The following ADCK5 variants were observed in gnomAD, a reference collection of about 807,000 sequenced individuals.
ADCK5 encodes aarF domain containing kinase 5.
ADCK5 carries 43 observed loss-of-function variants against 64.9 expected under a neutral mutation model. The observed-to-expected ratio is 0.66, with a 90% confidence interval of 0.52 to 0.85. The LOEUF is 0.85. Among genes scored for constraint, ADCK5 ranks in the 40% least tolerant of loss-of-function variants. The probability of loss-of-function intolerance (pLI) is 0.00; values close to 1 mark genes in which losing one functional copy is unlikely to be tolerated. For synonymous variants in ADCK5, 434 were observed against 342.8 expected (o/e 1.27, Z -2.94); for missense variants, 760 against 810.5 (o/e 0.94, Z 0.76).
At position 144,391,347 on chromosome 8, in the gene ADCK5, C is replaced by T. The variant is rs1211039120; in HGVS notation, c.685-14C>T. 7 of 1,612,922 alleles carry T rather than the reference C, an allele frequency of 4.3e-6. No homozygotes were observed. Among genetic ancestry groups the T allele is most frequent in the Non-Finnish European group, 5.9e-6 (7 of 1,179,948 alleles). The stretch of plus-strand genomic sequence containing the variant: ...TGGGGCCCCAAGTTCTCACCACACC[C>T]TCGCCCAGTGCAGGTGCAGTACATC... On this transcript the variant is annotated splice_polypyrimidine_tract_variant and intron_variant, in intron 6 of 14. Transcript: ENST00000308860.
At position 144,383,545 on chromosome 8, in the gene ADCK5, C is replaced by T. The variant is rs1324261778; in HGVS notation, c.266+315C>T. On this transcript the variant is annotated intron_variant, in intron 3 of 14. Transcript: ENST00000308860. ...TGGGGAGGCGCTCCAGCCCTGGGCC[C>T]GTGCCTTCTCCCTCAGGCTTCTAGG... 4.6e-5 allele frequency among the ~76,000 whole-genome samples: 7 copies of T among 152,292 alleles called. No homozygotes were observed. The East Asian group carries it at 5.8e-4, about 13-fold the overall frequency.
Position 144,392,139 on chromosome 8 carries a change from G to A in ADCK5, c.1144G>A (p.Asp382Asn). ...PDGKAELVLL[D>N]HGLYQFLEEK... The stretch of plus-strand genomic sequence containing the variant: ...CGGGAAAGCGGAGCTGGTGCTGCTG[G>A]ACCACGGGCTCTACCAGTTCCTGGA... Residue 382 changes from aspartate (D) to asparagine (N), a missense_variant, in exon 11 of 15, where the codon GAC becomes AAC. Physicochemically the swap from Asp to Asn is conservative, Grantham distance 23. Coordinates refer to ENST00000308860, the MANE Select transcript of ADCK5 (RefSeq NM_174922.5). 2.1e-6 allele frequency: 3 copies of A among 1,430,140 alleles called. No homozygotes were observed. The allele number at this position is 1,430,140 out of a possible 1,614,324, so 88.6% of individuals were successfully genotyped here.
chr8:144,390,015 G>A (rs1220212064), intron 3 of ADCK5, among the ~76,000 whole-genome samples: 2 of 151,542 alleles, frequency 1.3e-5, no homozygotes, highest in African/African-American at 4.9e-5. Flanking sequence ...ATTTTAAGTA[G>A]AAATGGGGTT....
chr8:144,374,944 A>G (rs1819306766), intron 1 of ADCK5, among the ~76,000 whole-genome samples: 2 of 152,178 alleles, frequency 1.3e-5, no homozygotes, highest in Non-Finnish European at 2.9e-5. Flanking sequence ...CTTCCAGAAG[A>G]GATGAAGGGG....
chr8:144,392,426 T>TCCCTCCCTCCCC lies in ADCK5; in HGVS notation c.1268-8_1268-7insCCCCTCCCTCCC. On this transcript the variant is annotated intron_variant, in intron 12 of 14. Transcript: ENST00000308860. The stretch of plus-strand genomic sequence containing the variant: ...ACCCACTCAGAGCCCCCTCCCTCCC[T>TCCCTCCCTCCCC]CCCTCCCTCCCTCCCCAGACTACCT... The TCCCTCCCTCCCC allele has an allele frequency of 6.6e-6, 3 of 454,742 alleles. No individual in the cohort carries two copies. The highest frequency in any genetic ancestry group is 9.9e-6 in the Non-Finnish European group (3 of 302,488). The allele number at this position is 454,742 out of a possible 1,614,324, so 28.2% of individuals were successfully genotyped here. A position where few individuals can be genotyped will look rare whatever the true frequency, so the allele number is the denominator to read the frequency against.
rs1466957411 is a variant in ADCK5 at position 144,382,902 on chromosome 8, G to A, written c.117-179G>A. 4.6e-5 allele frequency among the ~76,000 whole-genome samples: 7 copies of A among 152,350 alleles called. No individual in the cohort carries two copies. In the East Asian group the frequency reaches 1.4e-3, roughly 29 times the overall value. ...TCTGGTGCCGGGCTTTGGTGCAGGGGCATCTGGTGCAGGGGCTCAGGGAAG... is the reference window on the plus strand; with the variant it reads ...TCTGGTGCCGGGCTTTGGTGCAGGGACATCTGGTGCAGGGGCTCAGGGAAG... On this transcript the variant is annotated intron_variant, in intron 2 of 14. Coordinates refer to ENST00000308860, the MANE Select transcript of ADCK5 (RefSeq NM_174922.5).
chr8:144,391,112 C>T lies in ADCK5; in HGVS notation c.544-22C>T, dbSNP rs1401431541. ...GGCCTCCAGCAGTGGCCCCAGGCTG[C>T]TCTGAGCACCTGTCCTTCCAGGTGG... On this transcript the variant is annotated intron_variant, in intron 5 of 14. Transcript: ENST00000308860. 3 of 1,610,330 alleles carry T rather than the reference C, an allele frequency of 1.9e-6. No homozygotes were observed. In the African/African-American group the frequency reaches 4.0e-5, roughly 21 times the overall value.
chr8:144,383,015 G>A, intron 2 of ADCK5, 66 bp from the exon 3 acceptor site: 1 of 1,549,296 alleles, frequency 6.5e-7, no homozygotes, highest in Non-Finnish European at 8.7e-7. Context: ...GGGGAGGTGG[G>A]GGCAGAGATC....
rs1200101747 is a variant in ADCK5 at position 144,376,219 on chromosome 8, C to G, written c.12+2112C>G. 6.6e-6 allele frequency among the ~76,000 whole-genome samples: 1 copy of G among 152,092 alleles called. No homozygotes were observed. The highest frequency in any genetic ancestry group is 1.5e-5 in the Non-Finnish European group (1 of 68,030). The stretch of plus-strand genomic sequence containing the variant: ...AGGGCCATGTGGGGTTCAATTGAGT[C>G]CTGTGCTTCACAGCTGTTGGTCTCA... On this transcript the variant is annotated intron_variant, in intron 1 of 14. Coordinates refer to ENST00000308860, the MANE Select transcript of ADCK5 (RefSeq NM_174922.5). This position sits in a 1 kb window ranked among gnomAD's most constrained non-coding sequence, Gnocchi z 5.1.
upstream of ADCK5, chr8:144,373,982 C>CG: frequency 3.4e-6 from 4 of 1,162,544 alleles, no homozygotes; most frequent in South Asian, 8.9e-5. Context: ...CCACCGCCCA[C>CG]GGGGCGGGGC....
Position 144,391,576 on chromosome 8 carries a change from C to T in ADCK5, c.799-4C>T. Reference sequence around the variant, plus strand: ...CTGGTCTTCAACCGCCATCTGGCCCCCAGGACCTGAAGGGGACCCTGGCCC... The same window carrying T: ...CTGGTCTTCAACCGCCATCTGGCCCTCAGGACCTGAAGGGGACCCTGGCCC... On this transcript the variant is annotated splice_region_variant and splice_polypyrimidine_tract_variant and intron_variant, in intron 7 of 14. Coordinates refer to ENST00000308860, the MANE Select transcript of ADCK5 (RefSeq NM_174922.5). The T allele has an allele frequency of 6.3e-7, 1 of 1,580,926 alleles. No homozygotes were observed.
At chr8:144,389,354 G>A in intron 3 of ADCK5, 1 of 456,422 alleles carries the variant, frequency 2.2e-6, no homozygotes, top group African/African-American at 2.0e-5. Flanking sequence ...TGACCCTCCT[G>A]TGACCTCTGC....
intron 3 of ADCK5, among the ~76,000 whole-genome samples, chr8:144,386,451 G>A (rs1014608102): frequency 4.0e-5 from 6 of 151,422 alleles, no homozygotes; most frequent in Non-Finnish European, 7.4e-5. Flanking sequence ...TCCATCTCCC[G>A]GGTTCAAGCG....
chr8:144,378,776 G>A (rs577980869), intron 1 of ADCK5, among the ~76,000 whole-genome samples: 1 of 152,070 alleles, frequency 6.6e-6, no homozygotes, highest in African/African-American at 2.4e-5. Flanking sequence ...CTACTCGGGG[G>A]GCTGGGGCAA....
intron 1 of ADCK5, chr8:144,375,678 G>A (rs1819333628): frequency 1.0e-6 from 1 of 983,918 alleles, no homozygotes; most frequent in Non-Finnish European, 1.2e-6. Context: ...TTTCAAGGTA[G>A]TCAGCTGTGG....
At chr8:144,390,400 A>G (rs1478055364) in intron 3 of ADCK5, among the ~76,000 whole-genome samples, 6 of 152,216 alleles carry the variant, frequency 3.9e-5, no homozygotes, top group South Asian at 4.1e-4. Flanking sequence ...ATGTGATGGG[A>G]TAATTGACAT....
intron 3 of ADCK5, among the ~76,000 whole-genome samples, chr8:144,386,267 C>T (rs56143823): frequency 0.037 from 5,578 of 152,040 alleles, 159 homozygotes; most frequent in Non-Finnish European, 0.058. Context: ...TTGCCTCAGC[C>T]TCCCAAATGG....
At position 144,392,443 on chromosome 8, in the gene ADCK5, AGACT is replaced by A; in HGVS notation, c.1268-1_1270del. 1 of 136,274 alleles carries A rather than the reference AGACT, an allele frequency of 7.3e-6. No homozygotes were observed. The highest frequency in any genetic ancestry group is 1.2e-5 in the Non-Finnish European group (1 of 85,040). The allele number at this position is 136,274 out of a possible 1,614,324, so 8.4% of individuals were successfully genotyped here. ...TCCCTCCCTCCCTCCCTCCCTCCCC[AGACT>A]ACCTCCTGTTCGCCGAGATGCTCAT... On this transcript the variant is annotated splice_acceptor_variant and coding_sequence_variant, in exon 13 of 15. Transcript: ENST00000308860. LOFTEE classifies it high-confidence loss of function.
At position 144,390,684 on chromosome 8, in the gene ADCK5, G is replaced by A. The variant is rs560973535; in HGVS notation, c.280G>A (p.Gly94Ser). 8 of 1,613,648 alleles carry A rather than the reference G, an allele frequency of 5.0e-6. No homozygotes were observed. The highest frequency in any genetic ancestry group is 2.2e-5 in the South Asian group (2 of 91,060). The change falls in exon 4 of 15, where the codon GGC becomes AGC. Residue 94 changes from glycine to serine, a missense_variant. This residue lies in a region of ADCK5 where 427 missense variants were observed against 518.4 expected (regional missense o/e 0.82). Coordinates refer to ENST00000308860, the MANE Select transcript of ADCK5 (RefSeq NM_174922.5). ...CTCTGCCCGCAGGTCTCTGAAGGTC[G>A]GCCTGCAGATCTCCCTGGACTACTG... ...MGRFGRSLKV[G>S]LQISLDYWWC...
Sources: gnomAD v4.1 joint callset for allele counts (sites outside exome capture counted in the v4.1 genomes callset) on GRCh38, gnomAD v4.1.1 for gene constraint, gnomAD v4.1.1 regional missense constraint, Gnocchi (gnomAD v3.1) non-coding constraint, MANE v1.5 for transcripts, NCBI Gene and HGNC (gene_info 2026-07-23, HGNC 2026-07-21) for gene names.